Variants in ESR1 observed in about 807,000 individuals in gnomAD.
ESR1 encodes estrogen receptor 1.
A neutral mutation model predicts 52.7 loss-of-function variants in ESR1; 12 were observed. That is an observed-to-expected ratio of 0.23 (90% CI 0.15 to 0.37). ESR1 has a LOEUF of 0.37. ESR1 is among the 10% of genes least tolerant of loss of function. ESR1 has a pLI of 1.00. For missense variants in ESR1, 584 were observed against 779.7 expected (o/e 0.75, Z 2.99); for synonymous variants, 305 against 316.8 (o/e 0.96, Z 0.39).
chr6:151,780,694 A>G (rs1397970675), intron 2 of ESR1, among the ~76,000 whole-genome samples: 2 of 152,230 alleles, frequency 1.3e-5, no homozygotes, highest in Non-Finnish European at 2.9e-5. Context: ...AATGCGAGTT[A>G]GGCTTATGTT....
intron 5 of ESR1, among the ~76,000 whole-genome samples, chr6:152,033,477 G>C (rs575874615): frequency 6.6e-6 from 1 of 152,236 alleles, no homozygotes; most frequent in Admixed American, 6.5e-5. Flanking sequence ...TCAACAAATG[G>C]GCGAAGGATA....
chr6:151,808,426 GGGA>G, intron 1 of ESR1, 62 bp downstream of exon 1: 1 of 1,145,844 alleles, frequency 8.7e-7, no homozygotes, highest in Non-Finnish European at 1.2e-6. Flanking sequence ...GAGGGAGGGA[GGGA>G]GGGAGAAGGG....
chr6:151,771,482 G>C (rs969428317), intron 2 of ESR1, among the ~76,000 whole-genome samples: 1 of 152,068 alleles, frequency 6.6e-6, no homozygotes, highest in Non-Finnish European at 1.5e-5. Flanking sequence ...GCTGGCCGCC[G>C]GTGTTCATGT....
In ESR1 at chr6:152,101,041, T is replaced by G. The variant is rs2050948785; in HGVS notation, c.*2075T>G. The G allele has an allele frequency of 4.4e-6, 1 of 229,842 alleles. No individual in the cohort carries two copies. The highest frequency in any genetic ancestry group is 1.8e-4 in the South Asian group (1 of 5,486). 14.2% of individuals were successfully genotyped at this position (229,842 alleles called of 1,614,324 possible). ...ACCAAGGAAAAATATTTAGTTTTTT[T>G]TTTTTTTTTTGTATACTTTTCAAGC... is the stretch of plus-strand genomic sequence containing the variant. On this transcript the variant is annotated 3_prime_UTR_variant, in exon 8 of 8. Transcript: ENST00000206249.
chr6:151,801,904 A>G (rs956899745), upstream of ESR1, among the ~76,000 whole-genome samples: 3 of 152,224 alleles, frequency 2.0e-5, no homozygotes, highest in African/African-American at 7.2e-5. Context: ...ATGCACTTCA[A>G]TCTGTAAGAG....
chr6:151,944,605 A>G lies in ESR1; in HGVS notation c.1096+97A>G. On this transcript the variant is annotated intron_variant, in intron 4 of 7. Coordinates refer to ENST00000206249, the MANE Select transcript of ESR1 (RefSeq NM_000125.4). ...TAGTGGGGGAAAAAGAAGCAATAAC[A>G]TGTTATGTAATTGGTTTCAAGGTTA... 4 of 1,070,932 alleles carry G rather than the reference A, an allele frequency of 3.7e-6. No individual in the cohort carries two copies. The South Asian group carries it at 5.2e-5, about 14-fold the overall frequency. 66.3% of individuals were successfully genotyped at this position (1,070,932 alleles called of 1,614,324 possible).
chr6:151,710,404 T>A (rs1243366219), intron 2 of ESR1, among the ~76,000 whole-genome samples: 1 of 152,148 alleles, frequency 6.6e-6, no homozygotes, highest in African/African-American at 2.4e-5. Flanking sequence ...AAAAAATATT[T>A]ATCACACAAT....
intron 2 of ESR1, among the ~76,000 whole-genome samples, chr6:151,848,221 C>T (rs1467565489): frequency 1.4e-4 from 14 of 102,748 alleles, no homozygotes; most frequent in African/African-American, 3.9e-4. Context: ...AGTAAACTAT[C>T]GCAAGAACAA....
intron 4 of ESR1, among the ~76,000 whole-genome samples, chr6:151,990,070 T>C (rs1346366731): frequency 6.6e-6 from 1 of 152,134 alleles, no homozygotes; most frequent in Non-Finnish European, 1.5e-5. Flanking sequence ...TAATTAGTAA[T>C]GTTAATAAAT....
At chr6:151,874,232 T>C (rs1298344189) in intron 2 of ESR1, among the ~76,000 whole-genome samples, 2 of 152,212 alleles carry the variant, frequency 1.3e-5, no homozygotes, top group Non-Finnish European at 2.9e-5. Flanking sequence ...ATAACTTGCC[T>C]TTTAATCTAA....
chr6:151,784,287 T>A (rs1277518832), intron 2 of ESR1, among the ~76,000 whole-genome samples: 1 of 152,204 alleles, frequency 6.6e-6, no homozygotes, highest in Non-Finnish European at 1.5e-5. Context: ...TATTTATTTA[T>A]TGAATTATTT....
At chr6:151,724,369 C>T (rs1273657782) in intron 2 of ESR1, among the ~76,000 whole-genome samples, 2 of 152,170 alleles carry the variant, frequency 1.3e-5, no homozygotes, top group Non-Finnish European at 2.9e-5. Context: ...AAAGCTCCTA[C>T]AACCCACGAA....
intron 5 of ESR1, among the ~76,000 whole-genome samples, chr6:152,036,384 C>CAAAACAA (rs2128881778): frequency 1.3e-5 from 2 of 152,012 alleles, no homozygotes; most frequent in Non-Finnish European, 2.9e-5. Context: ...AAAACAAAAT[C>CAAAACAA]AAAACAAAAA....
At chr6:151,985,180 G>T (rs2040340687) in intron 4 of ESR1, among the ~76,000 whole-genome samples, 1 of 152,108 alleles carries the variant, frequency 6.6e-6, no homozygotes, top group Middle Eastern at 3.4e-3. Context: ...TGGCTGTGCT[G>T]CTGGACTTCA....
At chr6:151,777,722 G>A (rs1397996131) in intron 2 of ESR1, among the ~76,000 whole-genome samples, 1 of 152,122 alleles carries the variant, frequency 6.6e-6, no homozygotes, top group Non-Finnish European at 1.5e-5. Context: ...CACTTTGGGG[G>A]ACTGAGGCAG....
Position 152,026,481 on chromosome 6 carries a change from A to G in ESR1, c.1235+14687A>G, listed in dbSNP as rs1449660307. On this transcript the variant is annotated intron_variant, in intron 5 of 7. Transcript: ENST00000206249. ...AAGAAGAGCTTTGCTTTCAGTTTCT[A>G]TTTTACATAGTCTACAATCGGATTT... 3.3e-5 allele frequency among the ~76,000 whole-genome samples: 5 copies of G among 151,854 alleles called. No homozygotes were observed. In the South Asian group the frequency reaches 1.0e-3, roughly 32 times the overall value.
intron 2 of ESR1, among the ~76,000 whole-genome samples, chr6:151,874,139 A>G (rs1791432338): frequency 6.6e-6 from 1 of 152,188 alleles, no homozygotes; most frequent in South Asian, 2.1e-4. Flanking sequence ...TAAAATATGA[A>G]CAGTTAGCTA....
rs2050952577 is a variant in ESR1 at position 152,101,127 on chromosome 6, G to T, written c.*2161G>T. ...CCTGGTGATTATTCATTTAAATGAAGATCACATTTCATATCAACTTTTGTA... is the reference window on the plus strand; with the variant it reads ...CCTGGTGATTATTCATTTAAATGAATATCACATTTCATATCAACTTTTGTA... On this transcript the variant is annotated 3_prime_UTR_variant, in exon 8 of 8. Coordinates refer to ENST00000206249, the MANE Select transcript of ESR1 (RefSeq NM_000125.4). The T allele has an allele frequency of 4.6e-6, 1 of 219,520 alleles. No individual in the cohort carries two copies. 13.6% of individuals were successfully genotyped at this position (219,520 alleles called of 1,614,324 possible).
At chr6:151,761,492 G>A (rs1238611589) in intron 2 of ESR1, among the ~76,000 whole-genome samples, 4 of 152,084 alleles carry the variant, frequency 2.6e-5, no homozygotes, top group African/African-American at 9.7e-5. Flanking sequence ...TGCCTGACTG[G>A]GGAGGTGTTC....
Sources: allele counts gnomAD v4.1 joint callset (sites outside exome capture counted in the v4.1 genomes callset), GRCh38; gene constraint gnomAD v4.1.1; transcripts MANE v1.5; gene names NCBI Gene and HGNC (gene_info 2026-07-23, HGNC 2026-07-21).